Variants in CAPN5 observed in about 807,000 individuals in gnomAD.
The protein encoded by CAPN5 is calpain-5.
Under a neutral mutation model 73.0 loss-of-function variants are expected in CAPN5, and 54 were observed. The ratio of observed to expected loss-of-function variants is 0.74; its 90% CI spans 0.59 to 0.93. The LOEUF (loss-of-function observed/expected upper bound fraction) is 0.93, where lower values mean the gene tolerates loss of function less well. Ranked by LOEUF, CAPN5 falls within the 40% of genes least tolerant of loss-of-function variation. CAPN5 has a pLI of 0.00. For synonymous variants in CAPN5, 335 were observed against 356.9 expected, an observed-to-expected ratio of 0.94 and a Z score of 0.69; for missense variants, 785 against 882.9, an observed-to-expected ratio of 0.89 and a Z score of 1.41.
intron 3 of CAPN5, among the ~76,000 whole-genome samples, chr11:77,094,721 T>C (rs1046844993): frequency 6.6e-6 from 1 of 152,168 alleles, no homozygotes; most frequent in Non-Finnish European, 1.5e-5. Context: ...AGGTTACTCA[T>C]CAGCAAAATA....
At chr11:77,068,743 C>T (rs1374627428) in intron 1 of CAPN5, among the ~76,000 whole-genome samples, 30 of 152,036 alleles carry the variant, frequency 2.0e-4, no homozygotes, top group African/African-American at 7.0e-4. Context: ...AGGAGGGACC[C>T]TGATAAAGTT....
Position 77,123,892 on chromosome 11 carries a change from C to A in CAPN5, c.*22C>A. The stretch of plus-strand genomic sequence containing the variant: ...CTGACACCTGCCCACCTACCTGGCT[C>A]TGACCGTTCCCACCACCATCTGCAT... On this transcript the variant is annotated 3_prime_UTR_variant, in exon 13 of 13. Transcript: ENST00000648180. The A allele has an allele frequency of 6.2e-7, 1 of 1,606,430 alleles. No individual in the cohort carries two copies. Among genetic ancestry groups the A allele is most frequent in the Admixed American group, 1.7e-5 (1 of 59,842 alleles).
chr11:77,112,556 T>C, intron 3 of CAPN5, 33 bp from the exon 4 acceptor site: 1 of 1,445,250 alleles, frequency 6.9e-7, no homozygotes, highest in Non-Finnish European at 9.7e-7. Flanking sequence ...CCTCACTGTG[T>C]TCCCCCATCC....
intron 1 of CAPN5, among the ~76,000 whole-genome samples, chr11:77,072,279 T>G (rs1555033199): frequency 6.6e-6 from 1 of 152,146 alleles, no homozygotes; most frequent in African/African-American, 2.4e-5. Context: ...AATCTACCCT[T>G]TGAGATCCCG....
Position 77,114,451 on chromosome 11 carries a change from C to A in CAPN5, c.699+17C>A. 1 of 1,608,356 alleles carries A rather than the reference C, an allele frequency of 6.2e-7. No homozygotes were observed. The highest frequency in any genetic ancestry group is 8.5e-7 in the Non-Finnish European group (1 of 1,175,036). Reference sequence around the variant, plus strand: ...TCCATCAAGGTGAGAACACGGCAGTCCCCAGAGGCGACCCCTCCCCTTCAC... The same window carrying A: ...TCCATCAAGGTGAGAACACGGCAGTACCCAGAGGCGACCCCTCCCCTTCAC... On this transcript the variant is annotated intron_variant, in intron 5 of 12. Coordinates refer to ENST00000648180, the MANE Select transcript of CAPN5 (RefSeq NM_004055.5).
chr11:77,103,396 C>T (rs1950309959), intron 3 of CAPN5: 1 of 1,530,012 alleles, frequency 6.5e-7, no homozygotes, highest in African/African-American at 1.4e-5. Flanking sequence ...TGCCACTTTC[C>T]CCCCTGTATT....
rs1196082397 is a variant in CAPN5, at chr11:77,105,547, G to A, written c.298-7042G>A. The stretch of plus-strand genomic sequence containing the variant: ...CCCTGCCTTGCAGGGCCACTGGGCA[G>A]GGGGTGGATGGAAGGGCAGAGTTTG... On this transcript the variant is annotated intron_variant, in intron 3 of 12. Coordinates refer to ENST00000648180, the MANE Select transcript of CAPN5 (RefSeq NM_004055.5). Among the ~76,000 whole-genome samples the A allele has an allele frequency of 3.9e-5, 6 of 152,350 alleles. No individual in the cohort carries two copies. The East Asian group carries it at 7.7e-4, about 20-fold the overall frequency.
intron 1 of CAPN5, among the ~76,000 whole-genome samples, chr11:77,081,604 C>G (rs1950029134): frequency 6.6e-6 from 1 of 152,190 alleles, no homozygotes. Context: ...GGCCCAGAGG[C>G]CCTGGCACAT....
At position 77,084,977 on chromosome 11, in the gene CAPN5, C is replaced by G. The variant is rs533512554; in HGVS notation, c.91C>G (p.Leu31Val). ...CAGGAAGGTGCTCTTCGAGGACCCCCTCTTCCCCGCCACTGACGACTCACT... is the reference window on the plus strand; with the variant it reads ...CAGGAAGGTGCTCTTCGAGGACCCCGTCTTCCCCGCCACTGACGACTCACT... The part of the protein sequence containing the change: ...RRRKVLFEDP[L>V]FPATDDSLYY... Residue 31 changes from leucine (L) to valine (V), a missense_variant, in exon 2 of 13, where the codon CTC becomes GTC. Coordinates refer to ENST00000648180, the MANE Select transcript of CAPN5 (RefSeq NM_004055.5). The G allele has an allele frequency of 1.9e-6, 3 of 1,613,622 alleles. No individual in the cohort carries two copies. Among genetic ancestry groups the G allele is most frequent in the African/African-American group, 2.7e-5 (2 of 75,066 alleles).
At chr11:77,109,909 G>A (rs1330172517) in intron 3 of CAPN5, among the ~76,000 whole-genome samples, 1 of 152,166 alleles carries the variant, frequency 6.6e-6, no homozygotes, top group Admixed American at 6.5e-5. Context: ...AGCCTGTGAG[G>A]GCTGCCCTTC....
chr11:77,090,273 C>T (rs1950135410), intron 2 of CAPN5, among the ~76,000 whole-genome samples: 1 of 152,228 alleles, frequency 6.6e-6, no homozygotes, highest in Non-Finnish European at 1.5e-5. Context: ...GCTCTGTCTG[C>T]TCCTTCCCAG....
At position 77,118,248 on chromosome 11, in the gene CAPN5, G is replaced by A. The variant is rs782089468; in HGVS notation, c.1063G>A (p.Glu355Lys). Residue 355 changes from glutamate to lysine, a missense_variant, in exon 8 of 13, where the codon GAG (glutamate) becomes AAG (lysine). By Grantham distance (56) the Glu-to-Lys change is moderately conservative. Transcript: ENST00000648180. ...CCACCTGAGCATCCACAAGACGTGGGAGGAGGCCCGGCTGCATGGCGCCTG... is the reference window on the plus strand; with the variant it reads ...CCACCTGAGCATCCACAAGACGTGGAAGGAGGCCCGGCTGCATGGCGCCTG... Reference protein sequence around the residue: ...TSHLSIHKTWEEARLHGAWTL... With the variant: ...TSHLSIHKTWKEARLHGAWTL... 9.9e-5 allele frequency: 160 copies of A among 1,614,044 alleles called. No individual in the cohort carries two copies. Among genetic ancestry groups the A allele is most frequent in the Middle Eastern group, 1.6e-4 (1 of 6,084 alleles).
intron 3 of CAPN5, among the ~76,000 whole-genome samples, chr11:77,098,909 C>G (rs1591129724): frequency 8.6e-6 from 1 of 116,424 alleles, no homozygotes; most frequent in East Asian, 2.6e-4. Flanking sequence ...GGCTGCCGGG[C>G]GGAGAGGCTC....
chr11:77,116,947 C>G (rs1371681635), intron 7 of CAPN5, among the ~76,000 whole-genome samples: 13 of 152,104 alleles, frequency 8.5e-5, no homozygotes, highest in South Asian at 2.1e-4. Context: ...CTTAAAGAGC[C>G]CAGTAATTGG....
At chr11:77,087,945 A>G (rs1315314856) in intron 2 of CAPN5, 2 of 1,536,010 alleles carry the variant, frequency 1.3e-6, no homozygotes, top group South Asian at 2.4e-5. Context: ...TTTCCAGTAC[A>G]GTGGCCATTC....
chr11:77,118,280 G>A lies in CAPN5; in HGVS notation c.1095G>A (p.Leu365=). The A allele has an allele frequency of 6.2e-7, 1 of 1,613,838 alleles. No homozygotes were observed. The highest frequency in any genetic ancestry group is 8.5e-7 in the Non-Finnish European group (1 of 1,179,930). The change falls in exon 8 of 13, where the codon CTG becomes CTA. Residue 365 remains leucine, a synonymous_variant. Coordinates refer to ENST00000648180, the MANE Select transcript of CAPN5 (RefSeq NM_004055.5). ...EEARLHGAWT[L]HEDPRQNRGG... ...CCCGGCTGCATGGCGCCTGGACGCT[G>A]CATGAGGACCCGCGACAGAACCGCG...
chr11:77,077,346 G>A (rs1195161803), intron 1 of CAPN5, among the ~76,000 whole-genome samples: 1 of 151,898 alleles, frequency 6.6e-6, no homozygotes, highest in Non-Finnish European at 1.5e-5. Flanking sequence ...GACAGAGCGA[G>A]ACTCTGTATC....
intron 2 of CAPN5, among the ~76,000 whole-genome samples, chr11:77,091,056 C>T (rs1463567064): frequency 1.3e-5 from 2 of 152,214 alleles, no homozygotes; most frequent in African/African-American, 4.8e-5. Flanking sequence ...GGGGCCAGGT[C>T]TCAGGAGCTG....
intron 7 of CAPN5, among the ~76,000 whole-genome samples, chr11:77,116,545 C>T (rs1555041819): frequency 1.3e-5 from 2 of 152,190 alleles, no homozygotes; most frequent in African/African-American, 2.4e-5. Context: ...GTCCTGGAGC[C>T]GCTGTGGCAC....
Sources: allele counts gnomAD v4.1 joint callset (sites outside exome capture counted in the v4.1 genomes callset), GRCh38; gene constraint gnomAD v4.1.1; transcripts MANE v1.5; gene names NCBI Gene and HGNC (gene_info 2026-07-23, HGNC 2026-07-21).